Variants in LSP1 observed in about 807,000 individuals in gnomAD.
LSP1 encodes the protein lymphocyte specific protein 1.
Under a neutral mutation model 49.3 loss-of-function variants are expected in LSP1, and 32 were observed. The ratio of observed to expected loss-of-function variants is 0.65; its 90% CI spans 0.49 to 0.87. LSP1 has a LOEUF of 0.87. Ranked by LOEUF, LSP1 falls within the 40% of genes least tolerant of loss-of-function variation. The pLI, the probability that LSP1 is intolerant of heterozygous loss-of-function variation, is 0.00. For synonymous variants in LSP1, 179 were observed against 178.8 expected, an observed-to-expected ratio of 1.00 and a Z score of -0.01; for missense variants, 428 against 442.6, an observed-to-expected ratio of 0.97 and a Z score of 0.30.
In LSP1 at chr11:1,884,247, CTGCA is replaced by C; in HGVS notation, c.592-32_592-29del. ...TGGAGGGTGGGCTTTACCTCGGCTG[CTGCA>C]GGCCTGTGTCTCTCTCCACCCTCTG... On this transcript the variant is annotated intron_variant, in intron 5 of 10. Transcript: ENST00000311604. The surrounding 1 kb of genome is among the most constrained non-coding windows in gnomAD (Gnocchi z 4.1). 1 of 1,613,474 alleles carries C rather than the reference CTGCA, an allele frequency of 6.2e-7. No individual in the cohort carries two copies. Among genetic ancestry groups the C allele is most frequent in the Non-Finnish European group, 8.5e-7 (1 of 1,179,448 alleles).
chr11:1,878,297 C>T (rs1217735273), intron 1 of LSP1, among the ~76,000 whole-genome samples: 1 of 152,222 alleles, frequency 6.6e-6, no homozygotes, highest in Non-Finnish European at 1.5e-5. Flanking sequence ...GCGCCCCAGG[C>T]TCTGCCTCCT....
intron 7 of LSP1, among the ~76,000 whole-genome samples, chr11:1,886,025 C>T (rs534634649): frequency 3.3e-5 from 5 of 152,004 alleles, no homozygotes; most frequent in East Asian, 1.9e-4. Flanking sequence ...AGTACTCCTC[C>T]GTCCTATCAA....
chr11:1,887,397 G>A (rs539878229), intron 9 of LSP1, 77 bp from the exon 10 acceptor site: 7 of 1,566,022 alleles, frequency 4.5e-6, no homozygotes, highest in Non-Finnish European at 6.2e-6. Context: ...GCATCTGGGA[G>A]GGCTTCCCAG....
At position 1,871,334 on chromosome 11, in the gene LSP1, G is replaced by A. The variant is rs550818438; in HGVS notation, c.54-8753G>A. On this transcript the variant is annotated intron_variant, in intron 1 of 10. Coordinates refer to ENST00000311604, the MANE Select transcript of LSP1 (RefSeq NM_002339.3). Reference sequence around the variant, plus strand: ...GACCCAGGCTGGTCGCCGCAGATGGGGGCAGAGATGTGAAACAGCTGCAGA... The same window carrying A: ...GACCCAGGCTGGTCGCCGCAGATGGAGGCAGAGATGTGAAACAGCTGCAGA... The A allele has an allele frequency of 5.1e-5, 50 of 986,176 alleles. No individual in the cohort carries two copies. The South Asian group carries it at 2.1e-3, about 41-fold the overall frequency. 61.1% of individuals were successfully genotyped at this position (986,176 alleles called of 1,614,324 possible). A position where few individuals can be genotyped will look rare whatever the true frequency, so the allele number is the denominator to read the frequency against.
intron 1 of LSP1, among the ~76,000 whole-genome samples, chr11:1,874,622 G>A (rs547909708): frequency 5.4e-4 from 82 of 152,250 alleles, no homozygotes; most frequent in African/African-American, 1.9e-3. Flanking sequence ...GAGCCAGCGT[G>A]GGAGGGAGGT....
Position 1,886,662 on chromosome 11 carries a change from A to G in LSP1, c.718-70A>G, listed in dbSNP as rs954727244. ...ACAAACACAAAGCAGACGGTTGCCC[A>G]GTGTGACCCTCTGATGTGACCACGG... On this transcript the variant is annotated intron_variant, in intron 7 of 10. Transcript: ENST00000311604. 5 of 1,475,332 alleles carry G rather than the reference A, an allele frequency of 3.4e-6. No individual in the cohort carries two copies. The African/African-American group carries it at 7.1e-5, about 21-fold the overall frequency. 91.4% of individuals were successfully genotyped at this position (1,475,332 alleles called of 1,614,324 possible). A position where few individuals can be genotyped will look rare whatever the true frequency, so the allele number is the denominator to read the frequency against.
intron 1 of LSP1, chr11:1,866,834 C>G: frequency 1.3e-6 from 2 of 1,548,974 alleles, no homozygotes; most frequent in Non-Finnish European, 1.7e-6. Context: ...CCTGGCTGTG[C>G]GGTGGCTCAC....
At chr11:1,869,631 G>T (rs1442243034) in intron 1 of LSP1, 10 of 470,660 alleles carry the variant, frequency 2.1e-5, no homozygotes, top group Middle Eastern at 3.2e-4. Context: ...AAGGCTCAGA[G>T]CCGCTGTCTC....
intron 1 of LSP1, chr11:1,866,826 T>C (rs1232033724): frequency 6.5e-7 from 1 of 1,549,766 alleles, no homozygotes; most frequent in South Asian, 1.2e-5. Flanking sequence ...AGCCCCTGCC[T>C]GGCTGTGCGG....
intron 1 of LSP1, 23 bp from the exon 2 acceptor site, chr11:1,880,064 T>A: frequency 6.2e-7 from 1 of 1,605,388 alleles, no homozygotes; most frequent in Non-Finnish European, 8.5e-7. Flanking sequence ...GTGGCGTGAC[T>A]GTCCCTCTGT....
intron 1 of LSP1, among the ~76,000 whole-genome samples, chr11:1,866,068 C>G (rs559272713): frequency 5.4e-4 from 82 of 152,250 alleles, no homozygotes; most frequent in African/African-American, 1.9e-3. Context: ...CCTCAAGACC[C>G]AGCCTGGGCA....
In LSP1 at chr11:1,884,077, C is replaced by A; in HGVS notation, c.591+53C>A. ...TTCTCCCCTCTCCCGTACTCATACC[C>A]AAAAGGCCAATCCCACATGCCAGCC... On this transcript the variant is annotated intron_variant, in intron 5 of 10. Coordinates refer to ENST00000311604, the MANE Select transcript of LSP1 (RefSeq NM_002339.3). The surrounding 1 kb of genome is among the most constrained non-coding windows in gnomAD (Gnocchi z 4.1). 1 of 1,545,630 alleles carries A rather than the reference C, an allele frequency of 6.5e-7. No individual in the cohort carries two copies. Among genetic ancestry groups the A allele is most frequent in the South Asian group, 1.2e-5 (1 of 86,280 alleles).
chr11:1,872,314 T>C (rs567998), intron 1 of LSP1, among the ~76,000 whole-genome samples: 68,849 of 83,828 alleles, frequency 0.82, 28,889 homozygotes, highest in East Asian at 0.95. Context: ...GTCTCTGTGG[T>C]GGGCAGGCCT....
intron 1 of LSP1, among the ~76,000 whole-genome samples, chr11:1,857,668 C>A (rs1847523637): frequency 6.6e-6 from 1 of 152,236 alleles, no homozygotes; most frequent in Non-Finnish European, 1.5e-5. Context: ...GTAAGCCGCA[C>A]CCCTCTGAAG....
rs1848792336 is a variant in LSP1 at position 1,887,261 on chromosome 11, A to G, written c.877A>G (p.Lys293Glu). The change falls in exon 9 of 11, where the codon AAG (lysine) becomes GAG (glutamate). Residue 293 changes from lysine (K) to glutamate (E), a missense_variant. Physicochemically the swap from Lys to Glu is moderately conservative, Grantham distance 56. Transcript: ENST00000311604. ...CKDIVAGDMSKKSLWEQKGGS... is the reference protein window; with the variant it reads ...CKDIVAGDMSEKSLWEQKGGS... Reference sequence around the variant, plus strand: ...GGATATTGTGGCTGGAGACATGAGCAAGAAAAGCCTCTGGGAGCAGAAGGG... The same window carrying G: ...GGATATTGTGGCTGGAGACATGAGCGAGAAAAGCCTCTGGGAGCAGAAGGG... 2.5e-6 allele frequency: 4 copies of G among 1,593,808 alleles called. No individual in the cohort carries two copies. In the South Asian group the frequency reaches 4.5e-5, roughly 18 times the overall value.
At chr11:1,882,744 C>T (rs1848597738) in intron 3 of LSP1, among the ~76,000 whole-genome samples, 1 of 152,242 alleles carries the variant, frequency 6.6e-6, no homozygotes. Flanking sequence ...TGGCTCAGAC[C>T]CCTGCCCACC....
chr11:1,859,611 G>A (rs1847572058), intron 1 of LSP1: 1 of 154,150 alleles, frequency 6.5e-6, no homozygotes, highest in Non-Finnish European at 1.5e-5. Context: ...TAATCCTTTA[G>A]CCTTTCTCTT....
rs1368107771 is a variant in LSP1, at chr11:1,864,172, G to A, written c.53+10975G>A. The A allele has an allele frequency of 5.1e-6, 5 of 986,204 alleles. 1 individual carries two copies. The highest frequency in any genetic ancestry group is 3.5e-5 in the African/African-American group (2 of 56,986). 61.1% of individuals were successfully genotyped at this position (986,204 alleles called of 1,614,324 possible). A position where few individuals can be genotyped will look rare whatever the true frequency, so the allele number is the denominator to read the frequency against. On this transcript the variant is annotated intron_variant, in intron 1 of 10. Transcript: ENST00000311604. ...GAGAGAGGAGAGAGGGGCTGAGTGC[G>A]AGACGGGGAAGGAGGGGACGGGACA...
In LSP1 at chr11:1,884,077, CA is replaced by C; in HGVS notation, c.591+57del. On this transcript the variant is annotated intron_variant, in intron 5 of 10. Coordinates refer to ENST00000311604, the MANE Select transcript of LSP1 (RefSeq NM_002339.3). This position sits in a 1 kb window ranked among gnomAD's most constrained non-coding sequence, Gnocchi z 4.1. ...TTCTCCCCTCTCCCGTACTCATACC[CA>C]AAAGGCCAATCCCACATGCCAGCCA... 6.5e-7 allele frequency: 1 copy of C among 1,545,630 alleles called. No homozygotes were observed. The highest frequency in any genetic ancestry group is 8.8e-7 in the Non-Finnish European group (1 of 1,132,044).
Sources: gnomAD v4.1 joint callset for allele counts (sites outside exome capture counted in the v4.1 genomes callset) on GRCh38, gnomAD v4.1.1 for gene constraint, Gnocchi (gnomAD v3.1) non-coding constraint, MANE v1.5 for transcripts, NCBI Gene and HGNC (gene_info 2026-07-23, HGNC 2026-07-21) for gene names.